Variants in SLCO1B3 observed in about 807,000 individuals in gnomAD.
The protein encoded by SLCO1B3 is liver-specific organic anion transporter 2.
A neutral mutation model predicts 71.8 loss-of-function variants in SLCO1B3; 72 were observed. That is an observed-to-expected ratio of 1.00 (90% CI 0.83 to 1.22). The LOEUF (loss-of-function observed/expected upper bound fraction) is 1.22. Among genes scored for constraint, SLCO1B3 ranks in the 50% most tolerant of loss-of-function variants. SLCO1B3 has a pLI of 0.00. For synonymous variants in SLCO1B3, 298 were observed against 278.4 expected, an observed-to-expected ratio of 1.07 and a Z score of -0.70; for missense variants, 911 against 819.7, an observed-to-expected ratio of 1.11 and a Z score of -1.36.
chr12:20,915,666 C>T (rs2120481188), intron 15 of SLCO1B3, among the ~76,000 whole-genome samples: 1 of 152,254 alleles, frequency 6.6e-6, no homozygotes, highest in South Asian at 2.1e-4. Flanking sequence ...TGAGCCTGTA[C>T]CTCTGGACTG....
At chr12:20,905,721 A>G (rs953644312) in intron 15 of SLCO1B3, among the ~76,000 whole-genome samples, 7 of 152,200 alleles carry the variant, frequency 4.6e-5, no homozygotes, top group Non-Finnish European at 1.0e-4. Context: ...TTCATTGTCC[A>G]TATCACTAGC....
At chr12:20,882,650 T>C (rs1865715909) in intron 12 of SLCO1B3, among the ~76,000 whole-genome samples, 2 of 152,106 alleles carry the variant, frequency 1.3e-5, no homozygotes, top group African/African-American at 4.8e-5. Context: ...ATGATACGCC[T>C]GCCTCATCCT....
chr12:20,827,353 G>A (rs564802529), intron 3 of SLCO1B3, among the ~76,000 whole-genome samples: 1 of 152,188 alleles, frequency 6.6e-6, no homozygotes, highest in East Asian at 1.9e-4. Flanking sequence ...ACTTGAAAAA[G>A]CATTTGGGCT....
At chr12:20,850,260 A>T (rs12820693) in intron 3 of SLCO1B3, among the ~76,000 whole-genome samples, 106 of 95,300 alleles carry the variant, frequency 1.1e-3, no homozygotes, top group Non-Finnish European at 1.7e-3. Context: ...TTATTATTTT[A>T]TTTATTTATT....
At position 20,916,863 on chromosome 12, in the gene SLCO1B3, C is replaced by T. The variant is rs1363869592; in HGVS notation, c.*616C>T. ...TAATACGTGTTAAGTTTCTACTGGACCCATGGAAGTGGATTAAGAAAAACC... is the reference window on the plus strand; with the variant it reads ...TAATACGTGTTAAGTTTCTACTGGATCCATGGAAGTGGATTAAGAAAAACC... On this transcript the variant is annotated 3_prime_UTR_variant, in exon 16 of 16. Coordinates refer to ENST00000381545, the MANE Select transcript of SLCO1B3 (RefSeq NM_019844.4). 1 of 151,988 alleles carries T rather than the reference C, an allele frequency of 6.6e-6. No homozygotes were observed. The highest frequency in any genetic ancestry group is 1.9e-4 in the East Asian group (1 of 5,158). The allele number at this position is 151,988 out of a possible 1,614,324, so 9.4% of individuals were successfully genotyped here. A position where few individuals can be genotyped will look rare whatever the true frequency, so the allele number is the denominator to read the frequency against.
chr12:20,838,058 G>A (rs1241408860), intron 3 of SLCO1B3, among the ~76,000 whole-genome samples: 3 of 151,014 alleles, frequency 2.0e-5, no homozygotes, highest in East Asian at 3.9e-4. Context: ...GAGAACTGAT[G>A]TCCTTATTAT....
intron 3 of SLCO1B3, among the ~76,000 whole-genome samples, chr12:20,849,744 C>CACACACACACACACAT (rs1555154701): frequency 6.7e-6 from 1 of 148,256 alleles, no homozygotes; most frequent in Non-Finnish European, 1.5e-5. Context: ...CACACACACA[C>CACACACACACACACAT]ATATTACTTG....
intron 3 of SLCO1B3, among the ~76,000 whole-genome samples, chr12:20,832,946 A>AC (rs1864574625): frequency 1.7e-5 from 2 of 115,050 alleles, no homozygotes; most frequent in South Asian, 3.9e-4. Context: ...AAACAAACAA[A>AC]AAAAATTATC....
intron 15 of SLCO1B3, among the ~76,000 whole-genome samples, chr12:20,904,905 G>A (rs557129391): frequency 8.0e-4 from 121 of 151,746 alleles, no homozygotes; most frequent in Admixed American, 1.7e-3. Context: ...TCCTGAGTAG[G>A]TGGGACCACA....
At chr12:20,896,526 A>C (rs1866010217) in intron 13 of SLCO1B3, among the ~76,000 whole-genome samples, 1 of 152,164 alleles carries the variant, frequency 6.6e-6, no homozygotes, top group Non-Finnish European at 1.5e-5. Context: ...GTTTCCAACA[A>C]GTTCCTTATC....
At chr12:20,811,755 T>C (rs1292459902) in intron 1 of SLCO1B3, among the ~76,000 whole-genome samples, 1 of 152,288 alleles carries the variant, frequency 6.6e-6, no homozygotes, top group East Asian at 1.9e-4. Flanking sequence ...ATGTCAATAA[T>C]TTGGAACTCA....
At chr12:20,914,880 T>G (rs149273683) in intron 15 of SLCO1B3, among the ~76,000 whole-genome samples, 9 of 152,276 alleles carry the variant, frequency 5.9e-5, no homozygotes, top group Non-Finnish European at 1.3e-4. Flanking sequence ...GCTGATGTAA[T>G]CTTTTCTACT....
chr12:20,897,570 A>C (rs187092290), intron 13 of SLCO1B3, among the ~76,000 whole-genome samples: 17 of 152,338 alleles, frequency 1.1e-4, no homozygotes, highest in Admixed American at 6.5e-4. Flanking sequence ...ATTAACTAGC[A>C]TGGTATCTCT....
chr12:20,866,134 G>T (rs1865369926), intron 8 of SLCO1B3, among the ~76,000 whole-genome samples: 1 of 152,110 alleles, frequency 6.6e-6, no homozygotes, highest in Admixed American at 6.6e-5. Context: ...GCCGTATGAA[G>T]TACCACTAGT....
intron 8 of SLCO1B3, among the ~76,000 whole-genome samples, chr12:20,870,560 G>T (rs987275812): frequency 6.6e-6 from 1 of 152,050 alleles, no homozygotes; most frequent in East Asian, 1.9e-4. Flanking sequence ...TGAATATCTG[G>T]TTTTCTCAAC....
At chr12:20,817,951 T>C (rs1408527727) in intron 3 of SLCO1B3, among the ~76,000 whole-genome samples, 1 of 152,104 alleles carries the variant, frequency 6.6e-6, no homozygotes, top group Non-Finnish European at 1.5e-5. Flanking sequence ...TCAGCTGTGA[T>C]GGCTTGGAGA....
chr12:20,842,848 A>G (rs1223634898), intron 3 of SLCO1B3, among the ~76,000 whole-genome samples: 1 of 151,534 alleles, frequency 6.6e-6, no homozygotes, highest in Non-Finnish European at 1.5e-5. Context: ...CCAAAGGTAA[A>G]GACTTCGAGA....
chr12:20,886,354 C>G (rs547992602), intron 13 of SLCO1B3, among the ~76,000 whole-genome samples: 2 of 152,074 alleles, frequency 1.3e-5, no homozygotes, highest in East Asian at 1.9e-4. Context: ...TATACAGATG[C>G]TATTTAAATC....
At chr12:20,859,493 C>CCCCA (rs1418191069) in intron 5 of SLCO1B3, among the ~76,000 whole-genome samples, 28 of 143,348 alleles carry the variant, frequency 2.0e-4, no homozygotes, top group Non-Finnish European at 2.6e-4. Context: ...GTTTTTTTCC[C>CCCCA]CCTCTACATT....
Sources: allele counts gnomAD v4.1 joint callset (sites outside exome capture counted in the v4.1 genomes callset), GRCh38; gene constraint gnomAD v4.1.1; transcripts MANE v1.5; gene names NCBI Gene and HGNC (gene_info 2026-07-23, HGNC 2026-07-21).